Variants in TMEM53 observed in about 807,000 individuals in gnomAD.
TMEM53 encodes the protein transmembrane protein 53.
A neutral mutation model predicts 21.4 loss-of-function variants in TMEM53; 14 were observed. That is an observed-to-expected ratio of 0.65 (90% confidence interval 0.43 to 1.02). The LOEUF (loss-of-function observed/expected upper bound fraction) is 1.02, where lower values mean the gene tolerates loss of function less well. TMEM53 is among the 50% of genes least tolerant of loss of function. TMEM53 has a pLI of 0.00. For synonymous variants in TMEM53, 148 were observed against 157.4 expected, an observed-to-expected ratio of 0.94 and a Z score of 0.45; for missense variants, 323 against 383.6, an observed-to-expected ratio of 0.84 and a Z score of 1.32.
Position 44,660,264 on chromosome 1 carries a change from T to C in TMEM53, c.93A>G (p.Ala31=). ...KNSPSPGGKE[A]ETRQPVVILL... is the part of the protein sequence containing the mutation. ...GAATCACCACAGGCTGCCGAGTTTCTGCCTCCTTCCCACCTGGGCTGGGGC... is the reference window on the plus strand; with the variant it reads ...GAATCACCACAGGCTGCCGAGTTTCCGCCTCCTTCCCACCTGGGCTGGGGC... Residue 31 remains alanine (A), a synonymous_variant, in exon 2 of 3, where the codon GCA becomes GCG. Transcript: ENST00000372237. The C allele has an allele frequency of 6.2e-7, 1 of 1,614,036 alleles. No homozygotes were observed. The highest frequency in any genetic ancestry group is 1.3e-5 in the African/African-American group (1 of 75,042).
Position 44,655,285 on chromosome 1 carries a change from G to A in TMEM53, c.184-76C>T. ...TACAAGCTAAGGTCAGAGGGGCCCA[G>A]CAACCCCAGCCTGTAGGACATAGGC... is the stretch of plus-strand genomic sequence containing the variant. On this transcript the variant is annotated intron_variant, in intron 2 of 2. Coordinates refer to ENST00000372237, the MANE Select transcript of TMEM53 (RefSeq NM_024587.4). The surrounding 1 kb of genome is among the most constrained non-coding windows in gnomAD (Gnocchi z 4.4). 7.0e-7 allele frequency: 1 copy of A among 1,427,610 alleles called. No homozygotes were observed. Among genetic ancestry groups the A allele is most frequent in the Non-Finnish European group, 9.4e-7 (1 of 1,061,774 alleles). The allele number at this position is 1,427,610 out of a possible 1,614,324, so 88.4% of individuals were successfully genotyped here.
intron 1 of TMEM53, chr1:44,673,754 G>A: frequency 1.3e-6 from 1 of 795,050 alleles, no homozygotes; most frequent in Non-Finnish European, 1.5e-6. Flanking sequence ...GAAGTTCAGA[G>A]AAGGTAGCTT....
intron 1 of TMEM53, among the ~76,000 whole-genome samples, chr1:44,660,601 A>G (rs1644892294): frequency 7.9e-5 from 12 of 152,200 alleles, no homozygotes; most frequent in Admixed American, 7.9e-4. Context: ...TCCAGGGCTC[A>G]GCGAACTACA....
chr1:44,668,235 G>C (rs1371399214), intron 1 of TMEM53, among the ~76,000 whole-genome samples: 1 of 152,038 alleles, frequency 6.6e-6, no homozygotes, highest in Non-Finnish European at 1.5e-5. Flanking sequence ...GAGGTCAGGA[G>C]GTCAAGACCA....
intron 1 of TMEM53, among the ~76,000 whole-genome samples, chr1:44,662,250 G>T (rs1296733504): frequency 6.6e-6 from 1 of 152,162 alleles, no homozygotes; most frequent in African/African-American, 2.4e-5. Context: ...CCCAGGCCTG[G>T]CTGCAACTCA....
chr1:44,657,947 C>A (rs1644864485), intron 2 of TMEM53, among the ~76,000 whole-genome samples: 1 of 151,912 alleles, frequency 6.6e-6, no homozygotes, highest in Non-Finnish European at 1.5e-5. Flanking sequence ...CCAAGACTAC[C>A]CCTCCCCCAA....
At chr1:44,663,286 G>T (rs1389702389) in intron 1 of TMEM53, among the ~76,000 whole-genome samples, 2 of 152,152 alleles carry the variant, frequency 1.3e-5, no homozygotes, top group African/African-American at 4.8e-5. Context: ...TTTCGCCCAG[G>T]CTGGAGTGAA....
chr1:44,656,943 C>A (rs1264302646), intron 2 of TMEM53, among the ~76,000 whole-genome samples: 1 of 151,672 alleles, frequency 6.6e-6, no homozygotes, highest in Non-Finnish European at 1.5e-5. Flanking sequence ...ACCCAGGAGG[C>A]AGAGGTTGCA....
At chr1:44,672,770 TAA>T (rs35956030) in intron 1 of TMEM53, among the ~76,000 whole-genome samples, 2 of 141,910 alleles carry the variant, frequency 1.4e-5, no homozygotes, top group Non-Finnish European at 1.5e-5. Flanking sequence ...CTCCATCTCT[TAA>T]AAAAAAAAAA....
intron 1 of TMEM53, chr1:44,673,867 G>A: frequency 3.0e-6 from 3 of 985,414 alleles, no homozygotes; most frequent in South Asian, 4.7e-5. Context: ...AGAGTGGAGA[G>A]GGACGGCTAA....
At chr1:44,662,598 A>C (rs889217667) in intron 1 of TMEM53, among the ~76,000 whole-genome samples, 5 of 152,030 alleles carry the variant, frequency 3.3e-5, no homozygotes, top group African/African-American at 1.2e-4. Flanking sequence ...TGCATCTTCG[A>C]GACCCAGCAA....
chr1:44,664,025 G>A (rs948663243), intron 1 of TMEM53, among the ~76,000 whole-genome samples: 4 of 151,980 alleles, frequency 2.6e-5, no homozygotes, highest in African/African-American at 9.7e-5. Flanking sequence ...GGTGGCACAC[G>A]CCTGTAGTCC....
At chr1:44,662,730 G>T (rs1644913001) in intron 1 of TMEM53, among the ~76,000 whole-genome samples, 1 of 151,736 alleles carries the variant, frequency 6.6e-6, no homozygotes, top group East Asian at 1.9e-4. Flanking sequence ...CCAGCAAAGG[G>T]CTTTGGGATT....
chr1:44,665,696 C>T lies in TMEM53; in HGVS notation c.62-5401G>A, dbSNP rs146848190. On this transcript the variant is annotated intron_variant, in intron 1 of 2. Coordinates refer to ENST00000372237, the MANE Select transcript of TMEM53 (RefSeq NM_024587.4). ...TAATTCCACTTATAAGAAAGAAAAA[C>T]GTTAAATCATGGAGAAATATTCAAT... 2.8e-3 allele frequency among the ~76,000 whole-genome samples: 414 copies of T among 147,972 alleles called. 3 individuals are homozygous for T. Among genetic ancestry groups the T allele is most frequent in the African/African-American group, 9.8e-3 (395 of 40,338 alleles).
At chr1:44,664,720 G>A (rs1644932655) in intron 1 of TMEM53, among the ~76,000 whole-genome samples, 1 of 152,052 alleles carries the variant, frequency 6.6e-6, no homozygotes, top group South Asian at 2.1e-4. Context: ...CCCCATAAAT[G>A]ACCTCATCTA....
At chr1:44,660,368 G>C in intron 1 of TMEM53, 73 bp from the exon 2 acceptor site, 1 of 1,532,448 alleles carries the variant, frequency 6.5e-7, no homozygotes, top group Non-Finnish European at 8.8e-7. Flanking sequence ...TCCAGAGTCA[G>C]CAGCACTCCG....
At chr1:44,661,545 G>A (rs1447211952) in intron 1 of TMEM53, among the ~76,000 whole-genome samples, 3 of 152,128 alleles carry the variant, frequency 2.0e-5, no homozygotes, top group Non-Finnish European at 4.4e-5. Context: ...GGACAGTGCA[G>A]GCAGGGACAT....
At chr1:44,662,129 G>C (rs757206687) in intron 1 of TMEM53, among the ~76,000 whole-genome samples, 1 of 152,230 alleles carries the variant, frequency 6.6e-6, no homozygotes, top group African/African-American at 2.4e-5. Flanking sequence ...TGGACAAAAG[G>C]AAGACAACAA....
At chr1:44,673,031 C>A (rs546748130) in intron 1 of TMEM53, among the ~76,000 whole-genome samples, 1 of 152,308 alleles carries the variant, frequency 6.6e-6, no homozygotes, top group African/African-American at 2.4e-5. Flanking sequence ...GCCCTCCTGG[C>A]CGTGCAGAAG....
Sources: allele counts gnomAD v4.1 joint callset (sites outside exome capture counted in the v4.1 genomes callset), GRCh38; gene constraint gnomAD v4.1.1; non-coding constraint Gnocchi (gnomAD v3.1); transcripts MANE v1.5; gene names NCBI Gene and HGNC (gene_info 2026-07-23, HGNC 2026-07-21).